Variants in CYP46A1 observed in about 807,000 individuals in gnomAD.
CYP46A1 encodes cytochrome P450 family 46 subfamily A member 1, also known as cholesterol 24-hydroxylase.
CYP46A1 carries 20 observed loss-of-function variants against 63.3 expected under a neutral mutation model. The ratio of observed to expected loss-of-function variants is 0.32; its 90% CI spans 0.22 to 0.46. The LOEUF is 0.46. Ranked by LOEUF, CYP46A1 falls within the 20% of genes least tolerant of loss-of-function variation. The probability of loss-of-function intolerance (pLI) is 1.00; values close to 1 mark genes in which losing one functional copy is unlikely to be tolerated. For missense variants in CYP46A1, 445 were observed against 670.8 expected, an observed-to-expected ratio of 0.66 and a Z score of 3.72; for synonymous variants, 268 against 273.6, an observed-to-expected ratio of 0.98 and a Z score of 0.20.
At position 99,725,435 on chromosome 14, in the gene CYP46A1, C is replaced by T. The variant is rs375146687; in HGVS notation, c.1221C>T (p.Asp407=). Residue 407 remains aspartate (D), a synonymous_variant, in exon 13 of 15, where the codon GAC becomes GAT. Transcript: ENST00000261835. This position sits in a 1 kb window ranked among gnomAD's most constrained non-coding sequence, Gnocchi z 4.2. ...VMGRMDTYFE[D]PLTFNPDRFG... is the part of the protein sequence containing the mutation. ...GGCGGATGGACACATACTTTGAGGA[C>T]CCGCTGACTTTCAACCCCGATCGCT... The T allele has an allele frequency of 6.8e-6, 11 of 1,614,010 alleles. No individual in the cohort carries two copies. In the African/African-American group the frequency reaches 1.1e-4, roughly 16 times the overall value.
At chr14:99,707,952 T>A (rs2056694092) in intron 7 of CYP46A1, 3 of 390,188 alleles carry the variant, frequency 7.7e-6, no homozygotes, top group Non-Finnish European at 1.4e-5. Context: ...CTCCATGGTG[T>A]CAGATTTTCT....
chr14:99,716,275 C>T (rs1207529183), intron 9 of CYP46A1, 76 bp downstream of exon 9: 1 of 1,530,008 alleles, frequency 6.5e-7, no homozygotes, highest in Non-Finnish European at 9.0e-7. Flanking sequence ...TCAAACCCAA[C>T]TCTTTGGGAT....
intron 7 of CYP46A1, chr14:99,712,741 A>C (rs532675598): frequency 6.6e-6 from 1 of 152,256 alleles, no homozygotes; most frequent in Admixed American, 6.5e-5. Flanking sequence ...CTAAAGATTC[A>C]ATGCAATCTC....
chr14:99,699,396 T>C, intron 3 of CYP46A1, 70 bp from the exon 4 acceptor site: 1 of 1,418,856 alleles, frequency 7.0e-7, no homozygotes, highest in Non-Finnish European at 1.0e-6. Context: ...ATTTGGGGCA[T>C]GTCTCAGAAG....
intron 6 of CYP46A1, 58 bp from the exon 7 acceptor site, chr14:99,707,510 C>A: frequency 6.9e-7 from 1 of 1,439,204 alleles, no homozygotes; most frequent in Non-Finnish European, 9.8e-7. Flanking sequence ...CAGGCTTTGC[C>A]CTGGATCTGC....
In CYP46A1 at chr14:99,707,628, G is replaced by T; in HGVS notation, c.643G>T (p.Val215Leu). ...LGAQKPLSQA[V>L]KLMLEGITAS... ...TGCCCAGAAGCCTCTGTCCCAGGCA[G>T]TGAAACTTATGTTGGAGGGAATCAC... The change falls in exon 7 of 15, where the codon GTG (valine) becomes TTG (leucine). Residue 215 changes from valine to leucine, a missense_variant. Around this residue, in one of 4 missense-constraint regions of CYP46A1, gnomAD observed 252 missense variants for 383.3 expected, o/e 0.66. Transcript: ENST00000261835. 6.2e-7 allele frequency: 1 copy of T among 1,614,152 alleles called. No homozygotes were observed. The highest frequency in any genetic ancestry group is 8.5e-7 in the Non-Finnish European group (1 of 1,180,006).
At position 99,706,420 on chromosome 14, in the gene CYP46A1, A is replaced by G. The variant is rs541298280; in HGVS notation, c.444-227A>G. 4.9e-5 allele frequency: 26 copies of G among 532,574 alleles called. 1 individual carries two copies. In the South Asian group the frequency reaches 5.8e-4, roughly 12 times the overall value. 33.0% of individuals were successfully genotyped at this position (532,574 alleles called of 1,614,324 possible). ...CTGTGGAACTGTTAGGACAAGAGCA[A>G]GGGAACAGCATCCATCCTGAGTGGA... On this transcript the variant is annotated intron_variant, in intron 5 of 14. Transcript: ENST00000261835.
intron 7 of CYP46A1, among the ~76,000 whole-genome samples, chr14:99,714,760 CAAA>C (rs35534717): frequency 1.9e-4 from 19 of 102,146 alleles, no homozygotes; most frequent in African/African-American, 3.5e-4. Context: ...AACCCCATCT[CAAA>C]AAAAAAAAAA....
intron 1 of CYP46A1, chr14:99,684,895 T>C (rs1035259884): frequency 5.4e-6 from 2 of 370,318 alleles, no homozygotes; most frequent in Non-Finnish European, 1.1e-5. Flanking sequence ...CAGGTCAGCC[T>C]GCCTCCAAAG....
Position 99,715,792 on chromosome 14 carries a change from G to A in CYP46A1, c.694-18G>A, listed in dbSNP as rs1408164207. 1 of 1,614,120 alleles carries A rather than the reference G, an allele frequency of 6.2e-7. No individual in the cohort carries two copies. The highest frequency in any genetic ancestry group is 8.5e-7 in the Non-Finnish European group (1 of 1,179,998). On this transcript the variant is annotated intron_variant, in intron 7 of 14. Transcript: ENST00000261835. ...ATGCGTGTTCACTTGGCCATCTGGA[G>A]CTGAAACTCTTGTTTAGTTCCTGCC...
At position 99,707,570 on chromosome 14, in the gene CYP46A1, A is replaced by G. The variant is rs368295416; in HGVS notation, c.585A>G (p.Ala195=). The change falls in exon 7 of 15, where the codon GCA becomes GCG. Residue 195 remains alanine, a splice_region_variant and synonymous_variant. Transcript: ENST00000261835. ...TYTAMDILAK[A]AFGMETSMLL... is the part of the protein sequence containing the mutation. The stretch of plus-strand genomic sequence containing the variant: ...CCTTGCCCTTCTCTCTCCCCCAGGC[A>G]GCTTTTGGGATGGAGACCAGTATGC... 1 of 1,613,864 alleles carries G rather than the reference A, an allele frequency of 6.2e-7. No individual in the cohort carries two copies.
chr14:99,693,241 C>G (rs2056559012), intron 3 of CYP46A1: 1 of 152,836 alleles, frequency 6.5e-6, no homozygotes, highest in African/African-American at 2.4e-5. Flanking sequence ...ATACAACTTA[C>G]AGTCAAGACA....
At chr14:99,694,936 A>T (rs952088379) in intron 3 of CYP46A1, among the ~76,000 whole-genome samples, 2 of 152,222 alleles carry the variant, frequency 1.3e-5, no homozygotes, top group Non-Finnish European at 2.9e-5. Context: ...AGAGCTATAC[A>T]TTTCCTTCTA....
At chr14:99,699,608 G>T (rs114946322) in intron 4 of CYP46A1, 69 bp downstream of exon 4, 7 of 1,525,704 alleles carry the variant, frequency 4.6e-6, no homozygotes, top group Non-Finnish European at 6.4e-6. Flanking sequence ...GGGCCAGTGC[G>T]GTCCAGAATG....
At chr14:99,709,790 A>G (rs2056713176) in intron 7 of CYP46A1, 1 of 152,214 alleles carries the variant, frequency 6.6e-6, no homozygotes, top group Admixed American at 6.5e-5. Context: ...CATTATAGTC[A>G]AAGTGTTGAA....
At chr14:99,691,910 GT>G in intron 3 of CYP46A1, 49 bp downstream of exon 3, 1 of 1,576,208 alleles carries the variant, frequency 6.3e-7, no homozygotes, top group East Asian at 2.2e-5. Flanking sequence ...CTTTCCTTGG[GT>G]TGGGGGAGTG....
At chr14:99,712,238 G>A (rs2056740306) in intron 7 of CYP46A1, 1 of 152,182 alleles carries the variant, frequency 6.6e-6, no homozygotes, top group Admixed American at 6.5e-5. Flanking sequence ...GGATAAGGAT[G>A]CCCACTTTCA....
chr14:99,694,030 TC>T (rs2056565341), intron 3 of CYP46A1, among the ~76,000 whole-genome samples: 1 of 152,152 alleles, frequency 6.6e-6, no homozygotes, highest in Non-Finnish European at 1.5e-5. Flanking sequence ...ACCTTCTGTC[TC>T]CGTGAATTGG....
chr14:99,707,444 T>G, intron 6 of CYP46A1, 124 bp from the exon 7 acceptor site: 1 of 687,418 alleles, frequency 1.5e-6, no homozygotes, highest in South Asian at 1.9e-5. Flanking sequence ...AAGCAGCTGA[T>G]GATATGATGC....
Sources: gnomAD v4.1 joint callset for allele counts (sites outside exome capture counted in the v4.1 genomes callset) on GRCh38, gnomAD v4.1.1 for gene constraint, gnomAD v4.1.1 regional missense constraint, Gnocchi (gnomAD v3.1) non-coding constraint, MANE v1.5 for transcripts, NCBI Gene and HGNC (gene_info 2026-07-23, HGNC 2026-07-21) for gene names.